TMEM253: variants seen among roughly 807,000 people sequenced by gnomAD.
The protein encoded by TMEM253 is transmembrane protein C14orf176.
In TMEM253, 22 loss-of-function variants were observed where a neutral mutation model predicts 20.3. That is an observed-to-expected ratio of 1.08 (90% CI 0.78 to 1.55). The LOEUF is 1.55. TMEM253 is among the 40% of genes most tolerant of loss of function. TMEM253 has a pLI of 0.00. For synonymous variants in TMEM253, 92 were observed against 102.6 expected, an observed-to-expected ratio of 0.90 and a Z score of 0.62; for missense variants, 251 against 266.1, an observed-to-expected ratio of 0.94 and a Z score of 0.39.
chr14:21,103,102 C>G (rs1377394497), intron 6 of TMEM253, 37 bp from the exon 7 acceptor site: 6 of 1,551,448 alleles, frequency 3.9e-6, no homozygotes, highest in Admixed American at 2.0e-5. Flanking sequence ...TCCTTTCTCA[C>G]CTCTACAATT....
At chr14:21,100,774 CAG>C (rs1206074847), upstream of TMEM253, among the ~76,000 whole-genome samples, 3 of 152,198 alleles carry the variant, frequency 2.0e-5, no homozygotes, top group Non-Finnish European at 4.4e-5. Context: ...CCAATCCAGA[CAG>C]AAAGTAGGAT....
chr14:21,102,408 C>T (rs781660269), exon 5 of TMEM253: 13 of 1,551,450 alleles, frequency 8.4e-6, no homozygotes, highest in African/African-American at 2.7e-5. Context: ...CTGGCAGGTG[C>T]GGGCCATGAT....
exon 7 of TMEM253, chr14:21,103,507 C>T: frequency 3.9e-6 from 2 of 518,500 alleles, no homozygotes; most frequent in Non-Finnish European, 6.6e-6. Context: ...TACAGCTTCA[C>T]ATTTGCCTCA....
upstream of TMEM253, chr14:21,098,836 C>T: frequency 1.6e-6 from 2 of 1,288,250 alleles, no homozygotes; most frequent in South Asian, 1.2e-5. Context: ...CTCTGCCGCT[C>T]TTTCTGCCCC....
chr14:21,099,590 C>A (rs151106298), upstream of TMEM253, among the ~76,000 whole-genome samples: 9 of 152,320 alleles, frequency 5.9e-5, no homozygotes, highest in African/African-American at 2.2e-4. Flanking sequence ...ACCCTGCCTC[C>A]CTCCTCGTAC....
At chr14:21,102,739 G>A in exon 6 of TMEM253, 2 of 1,551,216 alleles carry the variant, frequency 1.3e-6, no homozygotes, top group African/African-American at 1.4e-5. Context: ...AAACCAGGAT[G>A]CTGCAGGAGC....
chr14:21,098,929 G>T, upstream of TMEM253: 1 of 1,123,024 alleles, frequency 8.9e-7, no homozygotes. Context: ...TTTTGGGGGA[G>T]GAGGAGGGGC....
At chr14:21,102,947 G>C (rs1418821476) in intron 6 of TMEM253, 168 bp downstream of exon 6, 12 of 1,353,978 alleles carry the variant, frequency 8.9e-6, no homozygotes, top group East Asian at 5.0e-5. Flanking sequence ...CTCCCCTAAT[G>C]GTGGGTAAGA....
chr14:21,099,067 T>C, upstream of TMEM253: 1 of 289,918 alleles, frequency 3.4e-6, no homozygotes, highest in South Asian at 2.7e-5. Context: ...CTCAAGTCAC[T>C]TTAATGGCTC....
intron 6 of TMEM253, 149 bp from the exon 7 acceptor site, chr14:21,102,990 A>T: frequency 7.1e-7 from 1 of 1,409,720 alleles, no homozygotes; most frequent in Non-Finnish European, 9.6e-7. Flanking sequence ...TGAGGTTAAA[A>T]GAGTGGGAAA....
chr14:21,102,777 G>C (rs1889730175), exon 6 of TMEM253: 20 of 1,548,948 alleles, frequency 1.3e-5, no homozygotes, highest in Middle Eastern at 3.4e-4. Context: ...AGAGCTGCAG[G>C]AGGTATGGGG....
intron 1 of TMEM253, 26 bp from the exon 2 acceptor site, chr14:21,101,282 C>T (rs909142497): frequency 1.4e-6 from 2 of 1,467,292 alleles, no homozygotes; most frequent in Non-Finnish European, 1.9e-6. Flanking sequence ...TCCTAATAGA[C>T]AGAACCTATA....
Position 21,101,916 on chromosome 14 carries a change from G to A in TMEM253, c.160G>A (p.Ala54Thr), listed in dbSNP as rs767412875. 153 of 1,551,412 alleles carry A rather than the reference G, an allele frequency of 9.9e-5. No individual in the cohort carries two copies. Among genetic ancestry groups the A allele is most frequent in the Middle Eastern group, 1.7e-4 (1 of 6,006 alleles). Reference sequence around the variant, plus strand: ...TGTGGTGCCCCTTGCTGTCTCAGTCGCCTGCCTGAACTCTGATTGTCACAT... The same window carrying A: ...TGTGGTGCCCCTTGCTGTCTCAGTCACCTGCCTGAACTCTGATTGTCACAT... Residue 54 changes from alanine to threonine, a missense_variant, in exon 3 of 7, where the codon GCC becomes ACC. Physicochemically the swap from Ala to Thr is moderately conservative, Grantham distance 58 (BLOSUM62 0). Coordinates refer to ENST00000556585, the Ensembl canonical transcript of TMEM253.
exon 7 of TMEM253, chr14:21,103,200 G>A: frequency 6.4e-7 from 1 of 1,551,650 alleles, no homozygotes; most frequent in Non-Finnish European, 8.7e-7. Context: ...GCCAGCACAG[G>A]AGCAAATGAG....
upstream of TMEM253, among the ~76,000 whole-genome samples, chr14:21,100,760 G>A (rs1889582640): frequency 6.6e-6 from 1 of 152,142 alleles, no homozygotes. Context: ...GTAATGACAG[G>A]GGACCAATCC....
chr14:21,099,938 G>A (rs1889530658), upstream of TMEM253, among the ~76,000 whole-genome samples: 1 of 152,154 alleles, frequency 6.6e-6, no homozygotes, highest in East Asian at 1.9e-4. Context: ...ATGGGCATCA[G>A]ACTTATCGGT....
At chr14:21,101,818 G>A in intron 2 of TMEM253, 47 bp from the exon 3 acceptor site, 2 of 1,455,882 alleles carry the variant, frequency 1.4e-6, no homozygotes, top group East Asian at 2.5e-5. Flanking sequence ...CGAGAAGGGA[G>A]GGAATCCCTG....
intron 4 of TMEM253, 132 bp downstream of exon 4, chr14:21,102,252 T>C: frequency 7.1e-7 from 1 of 1,409,982 alleles, no homozygotes; most frequent in Non-Finnish European, 9.6e-7. Context: ...CCTCAATCAC[T>C]GAGGAGGAAA....
upstream of TMEM253, among the ~76,000 whole-genome samples, chr14:21,099,991 T>G (rs992405648): frequency 3.3e-5 from 5 of 152,186 alleles, no homozygotes; most frequent in African/African-American, 1.2e-4. Context: ...ACACCCACCC[T>G]GAATCAACAA....
Sources: gnomAD v4.1 joint callset for allele counts (sites outside exome capture counted in the v4.1 genomes callset) on GRCh38, gnomAD v4.1.1 for gene constraint, MANE v1.5 for transcripts, NCBI Gene and HGNC (gene_info 2026-07-23, HGNC 2026-07-21) for gene names.